CARD19: variants seen among roughly 807,000 people sequenced by gnomAD.
CARD19 encodes caspase recruitment domain family member 19, also known as caspase recruitment domain-containing protein 19.
CARD19 carries 25 observed loss-of-function variants against 24.1 expected under a neutral mutation model. That is an observed-to-expected ratio of 1.04 (90% confidence interval 0.76 to 1.45). CARD19 has a LOEUF of 1.45. CARD19 is among the 40% of genes most tolerant of loss of function. CARD19 has a pLI of 0.00. For synonymous variants in CARD19, 103 were observed against 104.9 expected (o/e 0.98, Z 0.11); for missense variants, 241 against 247.4 (o/e 0.97, Z 0.17).
rs1827571668 is a variant in CARD19, at chr9:93,113,095, A to T, written c.540A>T (p.Leu180=). 6.3e-7 allele frequency: 1 copy of T among 1,574,906 alleles called. No homozygotes were observed. Among genetic ancestry groups the T allele is most frequent in the Non-Finnish European group, 8.6e-7 (1 of 1,159,342 alleles). ...RYLLAFLADD[L]GGL ...TGCTGGCCTTCCTGGCAGATGACCT[A>T]GGGGGGCTCTGACAGACCCTGGACC... is the stretch of plus-strand genomic sequence containing the variant. The change falls in exon 6 of 6, where the codon CTA becomes CTT. Residue 180 remains leucine (L), a synonymous_variant. Transcript: ENST00000375464.
rs117801143 is a variant in CARD19, at chr9:93,099,790, G to A, written c.7+3438G>A. On this transcript the variant is annotated intron_variant, in intron 1 of 5. Transcript: ENST00000375464. Reference sequence around the variant, plus strand: ...GCTGTGGGACTCAGTGCAGGTGAGGGCTGAGCCAGCCTTTCCAGCCCCCAG... The same window carrying A: ...GCTGTGGGACTCAGTGCAGGTGAGGACTGAGCCAGCCTTTCCAGCCCCCAG... 6.4e-4 allele frequency among the ~76,000 whole-genome samples: 98 copies of A among 152,334 alleles called. 2 individuals carry two copies. In the East Asian group the frequency reaches 0.017, roughly 26 times the overall value.
chr9:93,096,894 C>T lies in CARD19; in HGVS notation c.7+542C>T, dbSNP rs910478066. ...ACTCTTGGAGTCTCCCAGACTCCTT[C>T]GGTGGTCCACGACGCTCTTGCCCCT... On this transcript the variant is annotated intron_variant, in intron 1 of 5. Coordinates refer to ENST00000375464, the MANE Select transcript of CARD19 (RefSeq NM_032310.5). This position sits in a 1 kb window ranked among gnomAD's most constrained non-coding sequence, Gnocchi z 5.4. Among the ~76,000 whole-genome samples the T allele has an allele frequency of 6.6e-6, 1 of 150,418 alleles. No individual in the cohort carries two copies. Among genetic ancestry groups the T allele is most frequent in the Admixed American group, 6.6e-5 (1 of 15,140 alleles).
intron 2 of CARD19, among the ~76,000 whole-genome samples, chr9:93,109,266 C>T (rs1374725422): frequency 6.6e-6 from 1 of 152,086 alleles, no homozygotes; most frequent in African/African-American, 2.4e-5. Flanking sequence ...CACCACAGCT[C>T]CTGCCACCCA....
Position 93,113,092 on chromosome 9 carries a change from C to G in CARD19, c.537C>G (p.Asp179Glu), listed in dbSNP as rs200276148. The change falls in exon 6 of 6, where the codon GAC becomes GAG. Residue 179 changes from aspartate (D) to glutamate (E), a missense_variant. Coordinates refer to ENST00000375464, the MANE Select transcript of CARD19 (RefSeq NM_032310.5). ...ACCTGCTGGCCTTCCTGGCAGATGA[C>G]CTAGGGGGGCTCTGACAGACCCTGG... ...SRYLLAFLAD[D>E]LGGL The G allele has an allele frequency of 4.4e-6, 7 of 1,577,722 alleles. No individual in the cohort carries two copies. The East Asian group carries it at 1.6e-4, about 36-fold the overall frequency.
intron 1 of CARD19, among the ~76,000 whole-genome samples, chr9:93,106,784 T>C (rs1051636074): frequency 6.6e-6 from 1 of 152,124 alleles, no homozygotes; most frequent in African/African-American, 2.4e-5. Flanking sequence ...TTGTGTTATA[T>C]TCTATAAATA....
At chr9:93,112,911 C>A in intron 5 of CARD19, 81 bp from the exon 6 acceptor site, 4 of 957,588 alleles carry the variant, frequency 4.2e-6, no homozygotes, top group South Asian at 1.6e-5. Flanking sequence ...TGTTCCCACC[C>A]ACCCCCGCAG....
In CARD19 at chr9:93,107,724, C is replaced by G; in HGVS notation, c.58C>G (p.His20Asp). The G allele has an allele frequency of 6.2e-7, 1 of 1,614,222 alleles. No homozygotes were observed. The highest frequency in any genetic ancestry group is 8.5e-7 in the Non-Finnish European group (1 of 1,180,022). The change falls in exon 2 of 6, where the codon CAT (histidine) becomes GAT (aspartate). Residue 20 changes from histidine to aspartate, a missense_variant. His to Asp is a moderately conservative substitution (Grantham distance 81, BLOSUM62 -1). Transcript: ENST00000375464. ...GCAGGACACGCCTTTCCTGACAGGC[C>G]ATGGGCGCTTGAGTGAGCAGCAGGT... ...LVQDTPFLTG[H>D]GRLSEQQVDR...
Position 93,110,682 on chromosome 9 carries a change from C to T in CARD19, c.265C>T (p.Gln89Ter), listed in dbSNP as rs1427155733. ...CTACCGAGCCCTGTATATCCATGCC[C>T]AGCCCCTGCACAGCCGCCTGCCCAG... is the stretch of plus-strand genomic sequence containing the variant. ...EFYRALYIHA[Q>*]PLHSRLPSRH... Residue 89 changes from glutamine to a stop codon, truncating the protein, a stop_gained, in exon 3 of 6, where the codon CAG becomes TAG. Coordinates refer to ENST00000375464, the MANE Select transcript of CARD19 (RefSeq NM_032310.5). LOFTEE classifies it high-confidence loss of function. The T allele has an allele frequency of 6.2e-7, 1 of 1,613,100 alleles. No individual in the cohort carries two copies. The highest frequency in any genetic ancestry group is 1.7e-5 in the Admixed American group (1 of 60,028).
chr9:93,096,416 G>C lies in CARD19; in HGVS notation c.7+64G>C. 8.2e-7 allele frequency: 1 copy of C among 1,217,452 alleles called. No homozygotes were observed. Among genetic ancestry groups the C allele is most frequent in the Non-Finnish European group, 1.0e-6 (1 of 976,924 alleles). 75.4% of individuals were successfully genotyped at this position (1,217,452 alleles called of 1,614,324 possible). A position where few individuals can be genotyped will look rare whatever the true frequency, so the allele number is the denominator to read the frequency against. On this transcript the variant is annotated intron_variant, in intron 1 of 5. Transcript: ENST00000375464. The surrounding 1 kb of genome is among the most constrained non-coding windows in gnomAD (Gnocchi z 5.4). ...CCCTGGATGGGTGGCCCGGCCCGGG[G>C]GTCCGGCTGCCTTGCGAGTCGCCTG...
intron 3 of CARD19, 199 bp from the exon 4 acceptor site, chr9:93,111,680 A>AGTT: frequency 7.1e-7 from 1 of 1,404,094 alleles, no homozygotes; most frequent in South Asian, 1.7e-5. Flanking sequence ...GGGTGCCTTT[A>AGTT]GGCCCGTCCA....
At chr9:93,109,333 G>C (rs543420761) in intron 2 of CARD19, among the ~76,000 whole-genome samples, 1 of 152,254 alleles carries the variant, frequency 6.6e-6, no homozygotes, top group South Asian at 2.1e-4. Flanking sequence ...TGGCCATGTA[G>C]AATGATATGC....
At chr9:93,111,616 C>T (rs1827488905) in intron 3 of CARD19, 1 of 1,333,956 alleles carries the variant, frequency 7.5e-7, no homozygotes, top group Admixed American at 3.3e-5. Flanking sequence ...CTTTCAAAAC[C>T]AGGCAGGGCC....
intron 1 of CARD19, among the ~76,000 whole-genome samples, chr9:93,106,409 T>A (rs1249774548): frequency 7.6e-5 from 1 of 13,240 alleles, no homozygotes; most frequent in African/African-American, 1.5e-4. Flanking sequence ...AAACCCTGTC[T>A]CTACTAAAAA....
chr9:93,112,623 C>G (rs1441394216), intron 5 of CARD19, among the ~76,000 whole-genome samples: 2 of 152,222 alleles, frequency 1.3e-5, no homozygotes, highest in African/African-American at 2.4e-5. Context: ...GCCCCAGGGC[C>G]TTGGGTCTCT....
At position 93,111,890 on chromosome 9, in the gene CARD19, T is replaced by G; in HGVS notation, c.316T>G (p.Cys106Gly). Residue 106 changes from cysteine to glycine, a missense_variant, in exon 4 of 6, where the codon TGC becomes GGC. Coordinates refer to ENST00000375464, the MANE Select transcript of CARD19 (RefSeq NM_032310.5). ...GGTTTTGTTTCCAGAGAACTCAGAT[T>G]GCACAGAGCTAGACTCGGGCAGCCA... is the stretch of plus-strand genomic sequence containing the variant. ...PSRHALQNSD[C>G]TELDSGSQSG... 1 of 1,611,884 alleles carries G rather than the reference T, an allele frequency of 6.2e-7. No individual in the cohort carries two copies. Among genetic ancestry groups the G allele is most frequent in the African/African-American group, 1.3e-5 (1 of 74,970 alleles).
In CARD19 at chr9:93,111,950, C is replaced by G; in HGVS notation, c.364+12C>G. ...GCTGAGTAACAGGGGTAACACCTCC[C>G]TGCTGCCCCTCCCTCTCTCTCCCTC... is the stretch of plus-strand genomic sequence containing the variant. On this transcript the variant is annotated intron_variant, in intron 4 of 5. Transcript: ENST00000375464. 6.2e-7 allele frequency: 1 copy of G among 1,608,604 alleles called. No individual in the cohort carries two copies. Among genetic ancestry groups the G allele is most frequent in the East Asian group, 2.2e-5 (1 of 44,722 alleles).
chr9:93,109,310 C>G (rs1421258979), intron 2 of CARD19, among the ~76,000 whole-genome samples: 1 of 114,654 alleles, frequency 8.7e-6, no homozygotes, highest in Non-Finnish European at 2.1e-5. Context: ...CATGGTTTAA[C>G]TCCAGTTCCC....
rs1826859715 is a variant in CARD19, at chr9:93,096,390, G to A, written c.7+38G>A. 3 of 1,224,454 alleles carry A rather than the reference G, an allele frequency of 2.5e-6. No homozygotes were observed. Among genetic ancestry groups the A allele is most frequent in the East Asian group, 3.2e-5 (1 of 31,140 alleles). 75.8% of individuals were successfully genotyped at this position (1,224,454 alleles called of 1,614,324 possible). On this transcript the variant is annotated intron_variant, in intron 1 of 5. Transcript: ENST00000375464. The surrounding 1 kb of genome is among the most constrained non-coding windows in gnomAD (Gnocchi z 5.4). ...TCGGCTGGGCGGCAGGGATGCGGGCGCCCTGGATGGGTGGCCCGGCCCGGG... is the reference window on the plus strand; with the variant it reads ...TCGGCTGGGCGGCAGGGATGCGGGCACCCTGGATGGGTGGCCCGGCCCGGG...
rs753541508 is a variant in CARD19, at chr9:93,113,125, G to A, written c.*18G>A. ...GGCTCTGACAGACCCTGGACCCAGG[G>A]CCTCACCTGCCACTCAACCAAAGAG... On this transcript the variant is annotated 3_prime_UTR_variant, in exon 6 of 6. Transcript: ENST00000375464. 1.2e-5 allele frequency: 18 copies of A among 1,496,924 alleles called. No individual in the cohort carries two copies. In the South Asian group the frequency reaches 1.5e-4, roughly 12 times the overall value. 92.7% of individuals were successfully genotyped at this position (1,496,924 alleles called of 1,614,324 possible).
Sources: gnomAD v4.1 joint callset for allele counts (sites outside exome capture counted in the v4.1 genomes callset) on GRCh38, gnomAD v4.1.1 for gene constraint, Gnocchi (gnomAD v3.1) non-coding constraint, MANE v1.5 for transcripts, NCBI Gene and HGNC (gene_info 2026-07-23, HGNC 2026-07-21) for gene names.